Variants in MAPK10 observed in about 807,000 individuals in gnomAD.
MAPK10 encodes mitogen-activated protein kinase 10, also known as JNK3 alpha protein kinase.
A neutral mutation model predicts 59.3 loss-of-function variants in MAPK10; 25 were observed. That is an observed-to-expected ratio of 0.42 (90% CI 0.31 to 0.59). MAPK10 has a LOEUF of 0.59. Ranked by LOEUF, MAPK10 falls within the 20% of genes least tolerant of loss-of-function variation. The probability of loss-of-function intolerance (pLI) is 0.15; values close to 1 mark genes in which losing one functional copy is unlikely to be tolerated. For synonymous variants in MAPK10, 190 were observed against 200.5 expected (o/e 0.95, Z 0.44); for missense variants, 351 against 568.9 (o/e 0.62, Z 3.90).
intron 1 of MAPK10, among the ~76,000 whole-genome samples, chr4:86,461,801 G>A (rs1471598653): frequency 6.6e-6 from 1 of 152,100 alleles, no homozygotes; most frequent in African/African-American, 2.4e-5. Flanking sequence ...AGGACACTGG[G>A]CAAAAAGTAG....
intron 4 of MAPK10, among the ~76,000 whole-genome samples, chr4:86,154,606 C>T (rs12639693): frequency 0.19 from 29,299 of 151,892 alleles, 3,192 homozygotes; most frequent in African/African-American, 0.29. Flanking sequence ...AAAGTCACGA[C>T]AATTTCAGAT....
In MAPK10 at chr4:86,301,428, T is replaced by G. The variant is rs114683375; in HGVS notation, c.-7+53102A>C. Among the ~76,000 whole-genome samples the G allele has an allele frequency of 5.2e-3, 781 of 150,838 alleles. 8 individuals carry two copies. The highest frequency in any genetic ancestry group is 0.018 in the African/African-American group (748 of 41,106). On this transcript the variant is annotated intron_variant, in intron 2 of 13. Transcript: ENST00000641462. ...CCACTAGCTAGAAAAAAAAAAATGA[T>G]GAGAAGAGCCACCTTTGAGTGGTGT...
At chr4:86,526,343 C>T (rs1402650135) in intron 1 of MAPK10, among the ~76,000 whole-genome samples, 1 of 152,128 alleles carries the variant, frequency 6.6e-6, no homozygotes, top group Non-Finnish European at 1.5e-5. Context: ...TCTAGATTTT[C>T]TAGCTTGTGC....
At chr4:86,026,465 T>C (rs1750284829) in intron 13 of MAPK10, 1 of 152,240 alleles carries the variant, frequency 6.6e-6, no homozygotes, top group East Asian at 1.9e-4. Context: ...GAAATGTATC[T>C]GAAGTTTAGA....
intron 1 of MAPK10, among the ~76,000 whole-genome samples, chr4:86,386,629 A>G (rs1257166429): frequency 6.6e-6 from 1 of 152,064 alleles, no homozygotes; most frequent in African/African-American, 2.4e-5. Context: ...GCAGGGGGAA[A>G]GGTCCTATTT....
intron 4 of MAPK10, among the ~76,000 whole-genome samples, chr4:86,116,790 A>T (rs1420911060): frequency 2.0e-5 from 3 of 152,232 alleles, no homozygotes; most frequent in Non-Finnish European, 4.4e-5. Context: ...AGAGAATAAC[A>T]ACTTGACAAG....
At chr4:86,354,111 T>C (rs78711888) in intron 2 of MAPK10, among the ~76,000 whole-genome samples, 3,789 of 152,090 alleles carry the variant, frequency 0.025, 150 homozygotes, top group African/African-American at 0.085. Context: ...ATTGTGTGTG[T>C]GTGTGTGTGT....
In MAPK10 at chr4:86,017,652, T is replaced by TC. The variant is rs1376152532; in HGVS notation, c.1253-283dup. 1.3e-5 allele frequency among the ~76,000 whole-genome samples: 2 copies of TC among 152,310 alleles called. No homozygotes were observed. Among genetic ancestry groups the TC allele is most frequent in the East Asian group, 3.9e-4 (2 of 5,184 alleles). ...AACACTAATATCTGGTCACATTGCC[T>TC]CCCCTGCCCCCACTGCACTGCATAT... On this transcript the variant is annotated intron_variant, in intron 13 of 13. Transcript: ENST00000641462. The surrounding 1 kb of genome is among the most constrained non-coding windows in gnomAD (Gnocchi z 4.4).
intron 2 of MAPK10, among the ~76,000 whole-genome samples, chr4:86,284,025 C>T (rs1188730617): frequency 6.6e-6 from 1 of 152,102 alleles, no homozygotes; most frequent in Admixed American, 6.6e-5. Context: ...AATTAATCAG[C>T]ACCTCACAAA....
chr4:86,260,841 T>G (rs537932785), intron 2 of MAPK10, among the ~76,000 whole-genome samples: 167 of 152,294 alleles, frequency 1.1e-3, no homozygotes, highest in Middle Eastern at 3.4e-3. Flanking sequence ...ATTCATTCAT[T>G]TATTCAACTA....
chr4:86,523,567 A>G (rs1471843169), intron 1 of MAPK10, among the ~76,000 whole-genome samples: 2 of 152,226 alleles, frequency 1.3e-5, no homozygotes, highest in Admixed American at 1.3e-4. Flanking sequence ...TTACATCACC[A>G]TTGTGAAATT....
At chr4:86,349,656 G>A (rs960529658) in intron 2 of MAPK10, among the ~76,000 whole-genome samples, 1 of 152,198 alleles carries the variant, frequency 6.6e-6, no homozygotes, top group African/African-American at 2.4e-5. Context: ...TCCAGGAGGA[G>A]ATAGAATCTT....
intron 1 of MAPK10, among the ~76,000 whole-genome samples, chr4:86,527,338 A>AAAAAAAAAAAAAAAAAAAAAAC (rs1757540335): frequency 6.7e-6 from 1 of 149,326 alleles, no homozygotes; most frequent in Non-Finnish European, 1.5e-5. Flanking sequence ...AAAAAAAAAA[A>AAAAAAAAAAAAAAAAAAAAAAC]AAGTAGGCAA....
At chr4:86,252,289 G>T (rs2093482220) in intron 2 of MAPK10, among the ~76,000 whole-genome samples, 1 of 124,786 alleles carries the variant, frequency 8.0e-6, no homozygotes, top group Non-Finnish European at 1.6e-5. Flanking sequence ...TTTCTTCTAG[G>T]GTTTTTATGG....
At chr4:86,299,889 T>A (rs1353411953) in intron 2 of MAPK10, among the ~76,000 whole-genome samples, 3 of 152,084 alleles carry the variant, frequency 2.0e-5, no homozygotes, top group African/African-American at 7.2e-5. Flanking sequence ...CTTTCTTATT[T>A]TTTTTCTTTT....
chr4:86,489,538 C>T (rs1322570878), intron 1 of MAPK10, among the ~76,000 whole-genome samples: 2 of 152,078 alleles, frequency 1.3e-5, no homozygotes, highest in African/African-American at 4.8e-5. Context: ...AAAAACAGGC[C>T]CCAAAATAAG....
At chr4:86,407,095 G>T (rs1490159544) in intron 1 of MAPK10, among the ~76,000 whole-genome samples, 4 of 152,108 alleles carry the variant, frequency 2.6e-5, no homozygotes, top group Non-Finnish European at 4.4e-5. Context: ...AGGTGCATCT[G>T]CCATACAAGG....
chr4:86,300,297 C>T (rs751064335), intron 2 of MAPK10, among the ~76,000 whole-genome samples: 2 of 152,144 alleles, frequency 1.3e-5, no homozygotes, highest in Non-Finnish European at 2.9e-5. Context: ...AAATCATTAA[C>T]AAATGATGAT....
At chr4:86,498,708 T>C (rs1268310537) in intron 1 of MAPK10, among the ~76,000 whole-genome samples, 1 of 152,172 alleles carries the variant, frequency 6.6e-6, no homozygotes, top group Non-Finnish European at 1.5e-5. Context: ...CCACCACAAA[T>C]ATGTAGGGTA....
Sources: allele counts gnomAD v4.1 joint callset (sites outside exome capture counted in the v4.1 genomes callset), GRCh38; gene constraint gnomAD v4.1.1; non-coding constraint Gnocchi (gnomAD v3.1); transcripts MANE v1.5; gene names NCBI Gene and HGNC (gene_info 2026-07-23, HGNC 2026-07-21).